The following ANKS1B variants were observed in gnomAD, a reference collection of about 807,000 sequenced individuals.
The protein encoded by ANKS1B is ankyrin repeat and sterile alpha motif domain-containing protein 1B.
ANKS1B carries 36 observed loss-of-function variants against 148.3 expected under a neutral mutation model. The observed-to-expected ratio is 0.24, with a 90% confidence interval of 0.19 to 0.32. The LOEUF is 0.32. Ranked by LOEUF, ANKS1B falls within the 10% of genes least tolerant of loss-of-function variation. The probability of loss-of-function intolerance (pLI) is 1.00; values close to 1 mark genes in which losing one functional copy is unlikely to be tolerated. For synonymous variants in ANKS1B, 542 were observed against 560.8 expected, an observed-to-expected ratio of 0.97 and a Z score of 0.47; for missense variants, 1,157 against 1,542.6, an observed-to-expected ratio of 0.75 and a Z score of 4.19.
chr12:98,893,704 C>T (rs925592887), intron 17 of ANKS1B: 1 of 152,246 alleles, frequency 6.6e-6, no homozygotes, highest in Non-Finnish European at 1.5e-5. Flanking sequence ...CGCACATAAG[C>T]AGCACCGCGA....
At chr12:99,948,007 T>C (rs1222640445) in intron 1 of ANKS1B, among the ~76,000 whole-genome samples, 2 of 152,202 alleles carry the variant, frequency 1.3e-5, no homozygotes, top group East Asian at 1.9e-4. Context: ...CAAAGGCCCA[T>C]GTGACTGTAT....
rs1355766661 is a variant in ANKS1B, at chr12:98,743,987, C to CTGTT, written c.*1748_*1751dup. ...GCCAAGCACCACTGCTGTACAACTT[C>CTGTT]TGTTTTATTTTTGTGTGCTTTTTTT... is the stretch of plus-strand genomic sequence containing the variant. On this transcript the variant is annotated 3_prime_UTR_variant, in exon 27 of 27. Transcript: ENST00000683438. 2.0e-6 allele frequency: 2 copies of CTGTT among 982,906 alleles called. No homozygotes were observed. Among genetic ancestry groups the CTGTT allele is most frequent in the Admixed American group, 6.2e-5 (1 of 16,260 alleles). 60.9% of individuals were successfully genotyped at this position (982,906 alleles called of 1,614,324 possible).
rs148210638 is a variant in ANKS1B, at chr12:99,839,307, G to T, written c.135-13918C>A. Among the ~76,000 whole-genome samples, 36 of 152,254 alleles carry T rather than the reference G, an allele frequency of 2.4e-4. 1 individual carries two copies. The highest frequency in any genetic ancestry group is 9.2e-4 in the Admixed American group (14 of 15,280). On this transcript the variant is annotated intron_variant, in intron 1 of 26. Transcript: ENST00000683438. ...TTATAGAAAAAGTAGGAAGAAATGAGATCTTTGCAATTCTGTATTTTTCCA... is the reference window on the plus strand; with the variant it reads ...TTATAGAAAAAGTAGGAAGAAATGATATCTTTGCAATTCTGTATTTTTCCA...
chr12:99,320,854 G>T (rs2085124863), intron 12 of ANKS1B, among the ~76,000 whole-genome samples: 1 of 152,132 alleles, frequency 6.6e-6, no homozygotes, highest in African/African-American at 2.4e-5. Context: ...GGTCTTTGAT[G>T]ATAGTGATGT....
chr12:99,845,816 T>C (rs1289266655), intron 1 of ANKS1B, among the ~76,000 whole-genome samples: 1 of 152,132 alleles, frequency 6.6e-6, no homozygotes, highest in Admixed American at 6.6e-5. Context: ...CTTCTTTGTA[T>C]CTCTGGTAGA....
At chr12:99,194,388 A>G (rs2081136568) in intron 14 of ANKS1B, among the ~76,000 whole-genome samples, 1 of 152,008 alleles carries the variant, frequency 6.6e-6, no homozygotes, top group Admixed American at 6.6e-5. Flanking sequence ...TCCTTGACAC[A>G]ACTTTCTCTT....
chr12:98,974,616 G>C (rs2099889297), intron 17 of ANKS1B, among the ~76,000 whole-genome samples: 1 of 149,722 alleles, frequency 6.7e-6, no homozygotes, highest in African/African-American at 2.4e-5. Flanking sequence ...ACAGAGATTG[G>C]GGGATGGCAA....
chr12:99,263,051 A>C (rs1315829900), intron 12 of ANKS1B, among the ~76,000 whole-genome samples: 4 of 152,016 alleles, frequency 2.6e-5, no homozygotes, highest in Admixed American at 6.6e-5. Flanking sequence ...TTCCCACACA[A>C]TGTTCCCTCA....
chr12:99,699,096 G>GCAGTGTGCC (rs1399628185), intron 8 of ANKS1B, among the ~76,000 whole-genome samples: 2 of 151,968 alleles, frequency 1.3e-5, no homozygotes, highest in African/African-American at 4.8e-5. Context: ...AATGACACAG[G>GCAGTGTGCC]CAGTGTGCCA....
intron 11 of ANKS1B, among the ~76,000 whole-genome samples, chr12:99,428,433 C>T (rs142823229): frequency 6.6e-6 from 1 of 152,196 alleles, no homozygotes; most frequent in East Asian, 1.9e-4. Context: ...GAATCAGGAC[C>T]TGATATAATA....
intron 12 of ANKS1B, among the ~76,000 whole-genome samples, chr12:99,247,518 T>C (rs1246145610): frequency 6.6e-6 from 1 of 152,152 alleles, no homozygotes; most frequent in Non-Finnish European, 1.5e-5. Context: ...AAACTAATGT[T>C]TAGCTATGAA....
At chr12:98,827,164 T>C (rs2099255797) in intron 19 of ANKS1B, among the ~76,000 whole-genome samples, 1 of 152,208 alleles carries the variant, frequency 6.6e-6, no homozygotes, top group Non-Finnish European at 1.5e-5. Context: ...AAAACTGCAA[T>C]TAACACCACC....
At chr12:99,694,863 T>C (rs2053654171) in intron 8 of ANKS1B, among the ~76,000 whole-genome samples, 1 of 152,200 alleles carries the variant, frequency 6.6e-6, no homozygotes, top group South Asian at 2.1e-4. Context: ...AGCTTGAAAA[T>C]GTCCACTAAG....
intron 8 of ANKS1B, among the ~76,000 whole-genome samples, chr12:99,713,339 C>T (rs2056882303): frequency 6.6e-6 from 1 of 152,212 alleles, no homozygotes; most frequent in African/African-American, 2.4e-5. Context: ...ATCAAATCTT[C>T]TAACTTTAGC....
rs759625732 is a variant in ANKS1B at position 99,059,788 on chromosome 12, C to CATATATATATATATAT, written c.2626-6495_2626-6480dup. 6.6e-3 allele frequency among the ~76,000 whole-genome samples: 596 copies of CATATATATATATATAT among 90,288 alleles called. 29 individuals carry two copies. The highest frequency in any genetic ancestry group is 0.043 in the East Asian group (84 of 1,952). The allele number at this position is 90,288 out of a possible 152,430, so 59.2% of individuals were successfully genotyped here. On this transcript the variant is annotated intron_variant, in intron 16 of 26. Coordinates refer to ENST00000683438, the MANE Select transcript of ANKS1B (RefSeq NM_001352186.2). ...TAAGCCCAAAGACAAAACTAAAATT[C>CATATATATATATATAT]ATATATATATATATATATGATAGGA... is the stretch of plus-strand genomic sequence containing the variant.
At chr12:99,365,157 T>C (rs1483160307) in intron 12 of ANKS1B, among the ~76,000 whole-genome samples, 1 of 152,084 alleles carries the variant, frequency 6.6e-6, no homozygotes, top group Non-Finnish European at 1.5e-5. Flanking sequence ...TGGGAGTACA[T>C]TGGGTTGAGG....
At chr12:99,050,219 A>C (rs2099965071) in intron 17 of ANKS1B, among the ~76,000 whole-genome samples, 1 of 152,214 alleles carries the variant, frequency 6.6e-6, no homozygotes, top group African/African-American at 2.4e-5. Flanking sequence ...AGATAATTCA[A>C]AATCTTTGTA....
intron 9 of ANKS1B, among the ~76,000 whole-genome samples, chr12:99,572,242 A>G (rs896992959): frequency 6.6e-6 from 1 of 152,148 alleles, no homozygotes; most frequent in African/African-American, 2.4e-5. Flanking sequence ...ATTTTAAGCA[A>G]TTGGATTAAT....
intron 17 of ANKS1B, among the ~76,000 whole-genome samples, chr12:99,043,368 T>C (rs1306658044): frequency 6.6e-6 from 1 of 152,228 alleles, no homozygotes; most frequent in African/African-American, 2.4e-5. Flanking sequence ...TAAAACTCTC[T>C]TGACTCATTT....
Sources: allele counts gnomAD v4.1 joint callset (sites outside exome capture counted in the v4.1 genomes callset), GRCh38; gene constraint gnomAD v4.1.1; transcripts MANE v1.5; gene names NCBI Gene and HGNC (gene_info 2026-07-23, HGNC 2026-07-21).